IQSEC3: variants seen among roughly 807,000 people sequenced by gnomAD.
IQSEC3 encodes IQ motif and SEC7 domain-containing protein 3.
Under a neutral mutation model 105.4 loss-of-function variants are expected in IQSEC3, and 50 were observed. The observed-to-expected ratio is 0.47, with a 90% CI of 0.38 to 0.60. The LOEUF is 0.60. Among genes scored for constraint, IQSEC3 ranks in the 20% least tolerant of loss-of-function variants. The pLI is 0.00. For missense variants in IQSEC3, 1,415 were observed against 1,630.0 expected (o/e 0.87, Z 2.27); for synonymous variants, 708 against 746.0 (o/e 0.95, Z 0.83).
intron 1 of IQSEC3, among the ~76,000 whole-genome samples, chr12:87,261 T>C (rs1159344608): frequency 6.6e-6 from 1 of 152,056 alleles, no homozygotes; most frequent in African/African-American, 2.4e-5. Flanking sequence ...TTCCTTTCCA[T>C]GCACGCCTCT....
intron 1 of IQSEC3, among the ~76,000 whole-genome samples, chr12:92,737 G>A (rs1864128696): frequency 1.3e-5 from 2 of 152,214 alleles, no homozygotes; most frequent in South Asian, 4.1e-4. Context: ...AAATAGGGAT[G>A]CAGAGATGCT....
Position 138,724 on chromosome 12 carries a change from G to A in IQSEC3, c.1361G>A (p.Arg454Gln), listed in dbSNP as rs782492131. The change falls in exon 4 of 14, where the codon CGG becomes CAG. Residue 454 changes from arginine to glutamine, a missense_variant. This residue lies in a region of IQSEC3 where 720 missense variants were observed against 633.0 expected (regional missense o/e 1.14). Transcript: ENST00000538872. This position sits in a 1 kb window ranked among gnomAD's most constrained non-coding sequence, Gnocchi z 7.1. ...CCCCCAGGCCTGGAGGCCGAGGGGC[G>A]GGCGCCGGAGAGCGCGGGCCCCGGG... The part of the protein sequence containing the change: ...AGPPGLEAEG[R>Q]APESAGPGPG... 1.1e-5 allele frequency: 16 copies of A among 1,495,030 alleles called. No homozygotes were observed. Among genetic ancestry groups the A allele is most frequent in the Non-Finnish European group, 1.4e-5 (16 of 1,128,950 alleles). 92.6% of individuals were successfully genotyped at this position (1,495,030 alleles called of 1,614,324 possible). A position where few individuals can be genotyped will look rare whatever the true frequency, so the allele number is the denominator to read the frequency against.
chr12:78,954 A>G (rs1863652259), intron 1 of IQSEC3, among the ~76,000 whole-genome samples: 1 of 152,134 alleles, frequency 6.6e-6, no homozygotes, highest in South Asian at 2.1e-4. Context: ...GGCTCTGAAC[A>G]GGACTCCTTC....
At position 174,893 on chromosome 12, in the gene IQSEC3, C is replaced by A; in HGVS notation, c.3409C>A (p.Pro1137Thr). Residue 1137 changes from proline (P) to threonine (T), a missense_variant, in exon 14 of 14, where the codon CCC becomes ACC. Physicochemically the swap from Pro to Thr is conservative, Grantham distance 38. This residue lies in a region of IQSEC3 where 419 missense variants were observed against 436.2 expected (regional missense o/e 0.96). Transcript: ENST00000538872. ...CTGCGGCTCCACACCCCTGGGCGGTCCCGGCTCTCCGGTCAAGGTCACCCA... is the reference window on the plus strand; with the variant it reads ...CTGCGGCTCCACACCCCTGGGCGGTACCGGCTCTCCGGTCAAGGTCACCCA... ...DSCGSTPLGG[P>T]GSPVKVTHQP... The A allele has an allele frequency of 6.4e-7, 1 of 1,562,770 alleles. No homozygotes were observed. The highest frequency in any genetic ancestry group is 1.2e-5 in the South Asian group (1 of 85,864).
intron 7 of IQSEC3, among the ~76,000 whole-genome samples, chr12:160,358 A>G (rs1343610491): frequency 1.3e-5 from 2 of 151,704 alleles, no homozygotes; most frequent in Non-Finnish European, 2.9e-5. Context: ...TACTTAAGGC[A>G]TTTCACCGGG....
At chr12:162,561 C>G (rs1866942326) in intron 8 of IQSEC3, among the ~76,000 whole-genome samples, 1 of 152,198 alleles carries the variant, frequency 6.6e-6, no homozygotes, top group Non-Finnish European at 1.5e-5. Flanking sequence ...ACACTTTATA[C>G]TATAAAGGAT....
At chr12:107,858 T>G (rs1864732813) in intron 2 of IQSEC3, among the ~76,000 whole-genome samples, 1 of 152,162 alleles carries the variant, frequency 6.6e-6, no homozygotes, top group Non-Finnish European at 1.5e-5. Context: ...GTGACCTCCC[T>G]TACAGAGTAT....
intron 4 of IQSEC3, chr12:139,776 C>T (rs1327270577): frequency 1.9e-5 from 3 of 155,290 alleles, no homozygotes; most frequent in Non-Finnish European, 4.2e-5. Context: ...TGGTGAAATG[C>T]GAGGCTGGGT....
chr12:146,306 T>C (rs984890731), intron 5 of IQSEC3, among the ~76,000 whole-genome samples: 1 of 152,142 alleles, frequency 6.6e-6, no homozygotes, highest in Non-Finnish European at 1.5e-5. Context: ...GCAGACCTTA[T>C]GTGTCCGGAG....
At chr12:87,168 A>G (rs1336406917) in intron 1 of IQSEC3, among the ~76,000 whole-genome samples, 3 of 152,078 alleles carry the variant, frequency 2.0e-5, no homozygotes, top group Non-Finnish European at 4.4e-5. Context: ...GTTCTGCATC[A>G]TATCTGCTAG....
intron 13 of IQSEC3, among the ~76,000 whole-genome samples, chr12:172,246 G>A (rs573952483): frequency 2.8e-5 from 3 of 105,336 alleles, no homozygotes; most frequent in South Asian, 3.1e-4. Context: ...CCACACACCC[G>A]TGTCTGGAGG....
intron 2 of IQSEC3, among the ~76,000 whole-genome samples, chr12:121,500 G>T (rs1221174716): frequency 6.6e-6 from 1 of 152,168 alleles, no homozygotes; most frequent in Non-Finnish European, 1.5e-5. Flanking sequence ...GCCCACCCAG[G>T]AATCCCCACA....
chr12:117,518 G>A (rs1555080925), intron 2 of IQSEC3, among the ~76,000 whole-genome samples: 1 of 152,244 alleles, frequency 6.6e-6, no homozygotes. Flanking sequence ...GGGCTGAGCA[G>A]GGGAGGGCTC....
chr12:99,713 C>T (rs1174370358), intron 2 of IQSEC3, among the ~76,000 whole-genome samples: 2 of 152,198 alleles, frequency 1.3e-5, no homozygotes, highest in African/African-American at 2.4e-5. Context: ...TTGACAGCCT[C>T]GGACTGGAGC....
intron 7 of IQSEC3, among the ~76,000 whole-genome samples, chr12:159,034 T>C (rs1302599872): frequency 1.3e-5 from 2 of 152,200 alleles, no homozygotes; most frequent in African/African-American, 2.4e-5. Flanking sequence ...CCCTCTTTCA[T>C]CCACCTTCCC....
At chr12:165,187 T>G in intron 9 of IQSEC3, 1 of 535,288 alleles carries the variant, frequency 1.9e-6, no homozygotes, top group Non-Finnish European at 3.3e-6. Context: ...ATCAGGTGGG[T>G]TTTACAGGCC....
At chr12:71,443 A>T (rs1467666320) in intron 1 of IQSEC3, among the ~76,000 whole-genome samples, 1 of 152,302 alleles carries the variant, frequency 6.6e-6, no homozygotes, top group Non-Finnish European at 1.5e-5. Flanking sequence ...AGTATATTGC[A>T]GCTGCCTAAA....
chr12:161,813 A>G, intron 7 of IQSEC3, 113 bp from the exon 8 acceptor site: 2 of 1,103,500 alleles, frequency 1.8e-6, no homozygotes, highest in South Asian at 1.7e-5. Flanking sequence ...GCAAGAACCA[A>G]GGCCACCCCC....
intron 1 of IQSEC3, among the ~76,000 whole-genome samples, chr12:90,859 T>C (rs1555073200): frequency 6.6e-6 from 1 of 152,226 alleles, no homozygotes; most frequent in East Asian, 1.9e-4. Context: ...CTTTTCTTCC[T>C]ATTTATTAAG....
Sources: gnomAD v4.1 joint callset for allele counts (sites outside exome capture counted in the v4.1 genomes callset) on GRCh38, gnomAD v4.1.1 for gene constraint, gnomAD v4.1.1 regional missense constraint, Gnocchi (gnomAD v3.1) non-coding constraint, MANE v1.5 for transcripts, NCBI Gene and HGNC (gene_info 2026-07-23, HGNC 2026-07-21) for gene names.